Variants in CERS3 observed in about 807,000 individuals in gnomAD.
The protein encoded by CERS3 is LAG1 homolog, ceramide synthase 3.
CERS3 carries 33 observed loss-of-function variants against 50.3 expected under a neutral mutation model. The ratio of observed to expected loss-of-function variants is 0.66; its 90% CI spans 0.50 to 0.88. The LOEUF (loss-of-function observed/expected upper bound fraction) is 0.88, where lower values mean the gene tolerates loss of function less well. Among genes scored for constraint, CERS3 ranks in the 40% least tolerant of loss-of-function variants. CERS3 has a pLI of 0.00. For missense variants in CERS3, 470 were observed against 460.3 expected (o/e 1.02, Z -0.19); for synonymous variants, 176 against 155.2 (o/e 1.13, Z -0.99).
At chr15:100,466,741 C>CTTCT (rs2034730471) in intron 10 of CERS3, among the ~76,000 whole-genome samples, 1 of 26,532 alleles carries the variant, frequency 3.8e-5, no homozygotes, top group African/African-American at 1.1e-4. Context: ...TCCTTCTTTC[C>CTTCT]TTCCTTCCTT....
intron 11 of CERS3, among the ~76,000 whole-genome samples, chr15:100,419,851 G>C (rs1464226180): frequency 6.9e-6 from 1 of 145,424 alleles, no homozygotes; most frequent in Non-Finnish European, 1.5e-5. Flanking sequence ...ATAACGAAAT[G>C]AAGGCAGAAA....
At position 100,402,167 on chromosome 15, in the gene CERS3, G is replaced by A. The variant is rs1282991847; in HGVS notation, c.*546C>T. On this transcript the variant is annotated 3_prime_UTR_variant, in exon 12 of 12. Transcript: ENST00000679737. ...TCTGTGATCTCACTTAATCCTTGCT[G>A]TAACCCTGTGGGGTGGCAGGCAGGG... The A allele has an allele frequency of 6.5e-6, 1 of 153,428 alleles. No individual in the cohort carries two copies. Among genetic ancestry groups the A allele is most frequent in the Non-Finnish European group, 1.5e-5 (1 of 68,962 alleles). 9.5% of individuals were successfully genotyped at this position (153,428 alleles called of 1,614,324 possible). A position where few individuals can be genotyped will look rare whatever the true frequency, so the allele number is the denominator to read the frequency against.
intron 11 of CERS3, among the ~76,000 whole-genome samples, chr15:100,405,233 T>TA (rs752244347): frequency 0.1 from 3,463 of 34,422 alleles, 79 homozygotes; most frequent in African/African-American, 0.13. Flanking sequence ...AACTCAATGG[T>TA]AAAAAAAAAA....
chr15:100,531,085 AAAAAAACAAAAAAC>A (rs970468743), upstream of CERS3, among the ~76,000 whole-genome samples: 1 of 152,280 alleles, frequency 6.6e-6, no homozygotes, highest in East Asian at 1.9e-4. Flanking sequence ...CTCCTGTCTC[AAAAAAACAAAAAAC>A]AAAAAACAAA....
chr15:100,478,355 C>G (rs1380191958), intron 7 of CERS3, among the ~76,000 whole-genome samples: 4 of 152,150 alleles, frequency 2.6e-5, no homozygotes, highest in Non-Finnish European at 5.9e-5. Context: ...TAGTTGCAAG[C>G]TAACAAGTTA....
chr15:100,486,257 A>G (rs187318734), intron 4 of CERS3, among the ~76,000 whole-genome samples: 10 of 152,320 alleles, frequency 6.6e-5, no homozygotes, highest in African/African-American at 1.7e-4. Flanking sequence ...AGATTATCTT[A>G]CATGTTCCCT....
intron 11 of CERS3, among the ~76,000 whole-genome samples, chr15:100,404,025 A>C (rs1216168539): frequency 6.6e-6 from 1 of 152,228 alleles, no homozygotes; most frequent in African/African-American, 2.4e-5. Flanking sequence ...AGGCAGAGGA[A>C]GGGCCAACAC....
At chr15:100,423,741 CT>C (rs1359048804) in intron 11 of CERS3, among the ~76,000 whole-genome samples, 2 of 152,134 alleles carry the variant, frequency 1.3e-5, no homozygotes, top group African/African-American at 4.8e-5. Context: ...CATGTGCCCC[CT>C]GAACCTAAAA....
chr15:100,496,529 C>G (rs1422476611), intron 3 of CERS3, among the ~76,000 whole-genome samples: 1 of 152,086 alleles, frequency 6.6e-6, no homozygotes, highest in African/African-American at 2.4e-5. Context: ...TAGTGGGTAG[C>G]GAGGGTATTA....
chr15:100,434,937 T>A (rs1310162500), intron 11 of CERS3, among the ~76,000 whole-genome samples: 1 of 151,632 alleles, frequency 6.6e-6, no homozygotes, highest in African/African-American at 2.4e-5. Flanking sequence ...ATGTCAGAGT[T>A]TCTTGTACTT....
intron 4 of CERS3, among the ~76,000 whole-genome samples, chr15:100,490,216 C>CT (rs1299814403): frequency 6.6e-6 from 1 of 151,784 alleles, no homozygotes; most frequent in Non-Finnish European, 1.5e-5. Flanking sequence ...TTTCTTTTTT[C>CT]TTTTTCTGAA....
intron 3 of CERS3, among the ~76,000 whole-genome samples, chr15:100,493,290 T>C (rs2035705504): frequency 6.6e-6 from 1 of 152,220 alleles, no homozygotes; most frequent in Admixed American, 6.5e-5. Flanking sequence ...GAGAATGTCT[T>C]AATTTCTCTT....
At chr15:100,486,514 T>C (rs957131807) in intron 4 of CERS3, among the ~76,000 whole-genome samples, 2 of 152,244 alleles carry the variant, frequency 1.3e-5, no homozygotes, top group African/African-American at 2.4e-5. Flanking sequence ...CTAGAGATTT[T>C]GATGACCAAA....
At chr15:100,447,145 A>C (rs1317536510) in intron 11 of CERS3, among the ~76,000 whole-genome samples, 1 of 152,206 alleles carries the variant, frequency 6.6e-6, no homozygotes, top group East Asian at 1.9e-4. Flanking sequence ...AGAATGAATT[A>C]ACAGTCTGGC....
chr15:100,525,322 GCAGGTAGGC>G (rs1181297904), intron 1 of CERS3, among the ~76,000 whole-genome samples: 1 of 152,130 alleles, frequency 6.6e-6, no homozygotes, highest in Non-Finnish European at 1.5e-5. Context: ...TTTCCAGTGG[GCAGGTAGGC>G]CAAAAAAATA....
chr15:100,542,147 C>A lies in CERS3; in HGVS notation c.-355+2504G>T, dbSNP rs891554513. Among the ~76,000 whole-genome samples the A allele has an allele frequency of 5.3e-5, 8 of 152,168 alleles. No individual in the cohort carries two copies. The South Asian group carries it at 1.2e-3, about 24-fold the overall frequency. Reference sequence around the variant, plus strand: ...CCTTTGCTCAAAATTAAAAAAAAATCTTTTATCAAAACTGAAATGAAAATT... The same window carrying A: ...CCTTTGCTCAAAATTAAAAAAAAATATTTTATCAAAACTGAAATGAAAATT... On this transcript the variant is annotated intron_variant, in intron 1 of 12. Transcript: ENST00000284382.
chr15:100,429,057 C>T (rs2032979805), intron 11 of CERS3, among the ~76,000 whole-genome samples: 2 of 152,210 alleles, frequency 1.3e-5, no homozygotes, highest in Admixed American at 1.3e-4. Context: ...CCAGGTGAGG[C>T]CTCAAATAAG....
intron 2 of CERS3, among the ~76,000 whole-genome samples, chr15:100,519,947 C>G (rs1016151062): frequency 1.3e-5 from 2 of 152,166 alleles, no homozygotes; most frequent in Admixed American, 1.3e-4. Context: ...CCCCCTTTGG[C>G]CCTCCTCTGG....
chr15:100,404,889 C>G lies in CERS3; in HGVS notation c.1000-2024G>C, dbSNP rs938786812. 2.6e-5 allele frequency among the ~76,000 whole-genome samples: 4 copies of G among 152,260 alleles called. No homozygotes were observed. In the South Asian group the frequency reaches 8.3e-4, roughly 32 times the overall value. Reference sequence around the variant, plus strand: ...AGTAGAGAAAGAACAGTCTTTTCAACAAATGGTCAGAGCAACTGGACATCT... The same window carrying G: ...AGTAGAGAAAGAACAGTCTTTTCAAGAAATGGTCAGAGCAACTGGACATCT... On this transcript the variant is annotated intron_variant, in intron 11 of 11. Transcript: ENST00000679737.
Sources: allele counts gnomAD v4.1 joint callset (sites outside exome capture counted in the v4.1 genomes callset), GRCh38; gene constraint gnomAD v4.1.1; transcripts MANE v1.5; gene names NCBI Gene and HGNC (gene_info 2026-07-23, HGNC 2026-07-21).